The following APOBEC3D variants were observed in gnomAD, a reference collection of about 807,000 sequenced individuals.
APOBEC3D encodes the protein DNA dC->dU-editing enzyme APOBEC-3D.
A neutral mutation model predicts 45.6 loss-of-function variants in APOBEC3D; 37 were observed. The observed-to-expected ratio is 0.81, with a 90% confidence interval of 0.62 to 1.07. The LOEUF (loss-of-function observed/expected upper bound fraction) is 1.07. Among genes scored for constraint, APOBEC3D ranks in the 50% least tolerant of loss-of-function variants. The probability of loss-of-function intolerance (pLI) is 0.00; values close to 1 mark genes in which losing one functional copy is unlikely to be tolerated. For synonymous variants in APOBEC3D, 175 were observed against 180.7 expected, an observed-to-expected ratio of 0.97 and a Z score of 0.25; for missense variants, 496 against 495.3, an observed-to-expected ratio of 1.00 and a Z score of -0.01.
At chr22:39,028,874 A>G (rs558698533) in intron 4 of APOBEC3D, among the ~76,000 whole-genome samples, 42 of 152,268 alleles carry the variant, frequency 2.8e-4, no homozygotes, top group Middle Eastern at 3.4e-3. Flanking sequence ...GGCGGAAGTT[A>G]TAGTGAGCCG....
intron 4 of APOBEC3D, among the ~76,000 whole-genome samples, chr22:39,026,234 C>T (rs1335757986): frequency 2.6e-5 from 4 of 152,070 alleles, no homozygotes; most frequent in African/African-American, 4.8e-5. Flanking sequence ...CCTCTGTGGC[C>T]GCTCCTCCTG....
intron 1 of APOBEC3D, 48 bp from the exon 2 acceptor site, chr22:39,022,774 C>G: frequency 6.3e-7 from 1 of 1,590,406 alleles, no homozygotes; most frequent in Non-Finnish European, 8.6e-7. Context: ...GCCCCGAGGA[C>G]TCCAGGAGGG....
At chr22:39,021,638 G>A (rs1387858063) in intron 1 of APOBEC3D, 102 bp downstream of exon 1, 3 of 1,542,972 alleles carry the variant, frequency 1.9e-6, no homozygotes, top group Non-Finnish European at 2.7e-6. Flanking sequence ...CCCCAGCCCT[G>A]GACTTCCTTC....
Position 39,031,192 on chromosome 22 carries a change from G to A in APOBEC3D, c.763-502G>A, listed in dbSNP as rs1341314283. ...GAAAAAAATAATAAAAAAATAAAGA[G>A]GAAGGAGAAGGATGGAATAAGGGAA... is the stretch of plus-strand genomic sequence containing the variant. On this transcript the variant is annotated intron_variant, in intron 5 of 6. Coordinates refer to ENST00000216099, the MANE Select transcript of APOBEC3D (RefSeq NM_152426.4). Among the ~76,000 whole-genome samples the A allele has an allele frequency of 9.9e-5, 15 of 152,126 alleles. No individual in the cohort carries two copies. The East Asian group carries it at 2.9e-3, about 29-fold the overall frequency.
intron 5 of APOBEC3D, 127 bp downstream of exon 5, chr22:39,029,646 T>TG: frequency 8.1e-7 from 1 of 1,235,192 alleles, no homozygotes. Flanking sequence ...TCTTTCTTTT[T>TG]TTTTTTTTTA....
At chr22:39,031,578 TA>T (rs1217904583) in intron 5 of APOBEC3D, 115 bp from the exon 6 acceptor site, 40 of 1,439,310 alleles carry the variant, frequency 2.8e-5, no homozygotes, top group Non-Finnish European at 3.7e-5. Context: ...CAAAAATAAA[TA>T]AATAAGAAAA....
intron 6 of APOBEC3D, 64 bp from the exon 7 acceptor site, chr22:39,032,134 A>G: frequency 2.5e-6 from 4 of 1,592,094 alleles, no homozygotes; most frequent in Non-Finnish European, 3.4e-6. Context: ...TTGGGAGGGG[A>G]GGGCCCAGGG....
chr22:39,022,716 G>C (rs1479289244), intron 1 of APOBEC3D, 106 bp from the exon 2 acceptor site: 1 of 1,429,768 alleles, frequency 7.0e-7, no homozygotes, highest in African/African-American at 1.5e-5. Flanking sequence ...CTGTGGAGGG[G>C]TGGGGGAGGC....
chr22:39,027,146 A>C (rs368285769), intron 4 of APOBEC3D, among the ~76,000 whole-genome samples: 43 of 152,124 alleles, frequency 2.8e-4, no homozygotes, highest in South Asian at 2.1e-4. Context: ...AGCAAACTGC[A>C]AGACAGGGTG....
Position 39,025,126 on chromosome 22 carries a change from C to T in APOBEC3D, c.267C>T (p.Gly89=), listed in dbSNP as rs780447866. Residue 89 remains glycine, a synonymous_variant, in exon 3 of 7, where the codon GGC becomes GGT. Coordinates refer to ENST00000216099, the MANE Select transcript of APOBEC3D (RefSeq NM_152426.4). The part of the protein sequence containing the change: ...AEMCFLSWFC[G]NRLPANRRFQ... ...TGTGCTTCTTATCTTGGTTCTGTGG[C>T]AACCGACTGCCTGCTAACAGGCGCT... is the stretch of plus-strand genomic sequence containing the variant. The T allele has an allele frequency of 4.3e-5, 69 of 1,612,354 alleles. No individual in the cohort carries two copies. Among genetic ancestry groups the T allele is most frequent in the Non-Finnish European group, 5.8e-5 (68 of 1,178,960 alleles).
In APOBEC3D at chr22:39,032,353, C is replaced by T. The variant is rs1315234556; in HGVS notation, c.*37C>T. The T allele has an allele frequency of 1.2e-6, 2 of 1,609,796 alleles. No individual in the cohort carries two copies. The highest frequency in any genetic ancestry group is 2.2e-5 in the East Asian group (1 of 44,858). ...GGGCCTCATGGTCTGTCTCTTCTAG[C>T]CTCCTGCTCATGCTGCACGGGCCTC... On this transcript the variant is annotated 3_prime_UTR_variant, in exon 7 of 7. Transcript: ENST00000216099.
In APOBEC3D at chr22:39,031,751, G is replaced by A. The variant is rs771148358; in HGVS notation, c.820G>A (p.Asp274Asn). 20 of 1,613,404 alleles carry A rather than the reference G, an allele frequency of 1.2e-5. No individual in the cohort carries two copies. Among genetic ancestry groups the A allele is most frequent in the East Asian group, 6.7e-5 (3 of 44,882 alleles). The change falls in exon 6 of 7, where the codon GAC becomes AAC. Residue 274 changes from aspartate to asparagine, a missense_variant. Transcript: ENST00000216099. ...GTGCTTCCTCTCTTGGTTCTGTGAC[G>A]ACATACTGTCTCCTAACACAAACTA... ...ERCFLSWFCD[D>N]ILSPNTNYEV...
intron 6 of APOBEC3D, 63 bp from the exon 7 acceptor site, chr22:39,032,134 AG>A: frequency 2.5e-6 from 4 of 1,592,094 alleles, no homozygotes; most frequent in Non-Finnish European, 3.4e-6. Context: ...TTGGGAGGGG[AG>A]GGCCCAGGGC....
chr22:39,021,605 G>A (rs1185759931), intron 1 of APOBEC3D, 69 bp downstream of exon 1: 2 of 1,608,012 alleles, frequency 1.2e-6, no homozygotes, highest in Admixed American at 1.7e-5. Context: ...CTGGGCCTCA[G>A]CCCTGGCCTC....
chr22:39,031,088 C>T (rs1263789794), intron 5 of APOBEC3D, among the ~76,000 whole-genome samples: 1 of 152,080 alleles, frequency 6.6e-6, no homozygotes, highest in Non-Finnish European at 1.5e-5. Context: ...ATCGCTTGAA[C>T]CCAAGGGGCA....
intron 5 of APOBEC3D, among the ~76,000 whole-genome samples, chr22:39,029,854 G>A (rs556609944): frequency 6.6e-6 from 1 of 152,136 alleles, no homozygotes; most frequent in Non-Finnish European, 1.5e-5. Context: ...CAAGCGATCC[G>A]CCCCGCTTGG....
chr22:39,025,928 C>A (rs760805775), intron 4 of APOBEC3D, among the ~76,000 whole-genome samples: 2 of 152,192 alleles, frequency 1.3e-5, no homozygotes, highest in Non-Finnish European at 2.9e-5. Context: ...GCCCTCCCCA[C>A]AGCCTGGGAG....
rs1258635541 is a variant in APOBEC3D, at chr22:39,033,157, G to T, written c.*841G>T. On this transcript the variant is annotated 3_prime_UTR_variant, in exon 7 of 7. Coordinates refer to ENST00000216099, the MANE Select transcript of APOBEC3D (RefSeq NM_152426.4). ...GCTTGAGCCGGGGAGGTGGAGGCTG[G>T]AGTAAACTGAGATCGCGCCACAGAA... 4 of 584,098 alleles carry T rather than the reference G, an allele frequency of 6.8e-6. No individual in the cohort carries two copies. The highest frequency in any genetic ancestry group is 7.6e-5 in the South Asian group (1 of 13,180). 36.2% of individuals were successfully genotyped at this position (584,098 alleles called of 1,614,324 possible).
chr22:39,029,811 G>T (rs867470158), intron 5 of APOBEC3D, among the ~76,000 whole-genome samples: 1 of 151,930 alleles, frequency 6.6e-6, no homozygotes, highest in African/African-American at 2.4e-5. Flanking sequence ...GGGTTTCACC[G>T]TGGTGGCCAG....
Sources: allele counts gnomAD v4.1 joint callset (sites outside exome capture counted in the v4.1 genomes callset), GRCh38; gene constraint gnomAD v4.1.1; transcripts MANE v1.5; gene names NCBI Gene and HGNC (gene_info 2026-07-23, HGNC 2026-07-21).